The following DNAH11 variants were observed in gnomAD, a reference collection of about 807,000 sequenced individuals.
DNAH11 encodes the protein dynein axonemal heavy chain 11.
In DNAH11, 442 loss-of-function variants were observed where a neutral mutation model predicts 526.0. The observed-to-expected ratio is 0.84, with a 90% confidence interval of 0.78 to 0.91. The LOEUF is 0.91. Ranked by LOEUF, DNAH11 falls within the 40% of genes least tolerant of loss-of-function variation. The probability of loss-of-function intolerance (pLI) is 0.00; values close to 1 mark genes in which losing one functional copy is unlikely to be tolerated. For missense variants in DNAH11, 6,989 were observed against 5,448.7 expected, an observed-to-expected ratio of 1.28 and a Z score of -8.90; for synonymous variants, 2,461 against 1,935.9, an observed-to-expected ratio of 1.27 and a Z score of -7.12.
At position 21,586,791 on chromosome 7, in the gene DNAH11, T is replaced by C. The variant is rs375374939; in HGVS notation, c.1711-1273T>C. On this transcript the variant is annotated intron_variant, in intron 9 of 81. Transcript: ENST00000409508. ...TGTCTTCTTTCAGAGAAAATACCTA[T>C]ATGACAGGCTTAATAACTAACATAT... is the stretch of plus-strand genomic sequence containing the variant. Among the ~76,000 whole-genome samples, 4 of 152,196 alleles carry C rather than the reference T, an allele frequency of 2.6e-5. No individual in the cohort carries two copies. The East Asian group carries it at 7.7e-4, about 29-fold the overall frequency.
At chr7:21,608,885 G>A (rs1413657877) in intron 20 of DNAH11, among the ~76,000 whole-genome samples, 2 of 152,108 alleles carry the variant, frequency 1.3e-5, no homozygotes, top group African/African-American at 2.4e-5. Flanking sequence ...AGTAGGGCTG[G>A]GTGAACTTTT....
intron 54 of DNAH11, among the ~76,000 whole-genome samples, chr7:21,759,362 T>C (rs1434142842): frequency 6.6e-6 from 1 of 152,148 alleles, no homozygotes; most frequent in African/African-American, 2.4e-5. Context: ...AAAAGGGAAA[T>C]AAATAAGAAA....
Position 21,789,358 on chromosome 7 carries a change from G to T in DNAH11, c.10026+16G>T. On this transcript the variant is annotated intron_variant, in intron 61 of 81. Coordinates refer to ENST00000409508, the MANE Select transcript of DNAH11 (RefSeq NM_001277115.2). ...AAAGCTTGTGGTGAGTGCAAACTAT[G>T]ACATTGAAAAGGTTCCCAAGAGGTG... is the stretch of plus-strand genomic sequence containing the variant. 1 of 1,545,996 alleles carries T rather than the reference G, an allele frequency of 6.5e-7. No homozygotes were observed. The highest frequency in any genetic ancestry group is 1.2e-5 in the South Asian group (1 of 82,892).
At chr7:21,778,796 G>A (rs1425060815) in intron 56 of DNAH11, among the ~76,000 whole-genome samples, 162 bp from the exon 57 acceptor site, 1 of 152,236 alleles carries the variant, frequency 6.6e-6, no homozygotes, top group Non-Finnish European at 1.5e-5. Flanking sequence ...GAAAAACAAT[G>A]TGGCTGCATT....
At chr7:21,696,420 C>T (rs561366658) in intron 35 of DNAH11, among the ~76,000 whole-genome samples, 1 of 151,968 alleles carries the variant, frequency 6.6e-6, no homozygotes, top group African/African-American at 2.4e-5. Flanking sequence ...TTTTTCTTTC[C>T]TCATAACAGC....
At chr7:21,767,611 A>C (rs2127975097) in intron 55 of DNAH11, among the ~76,000 whole-genome samples, 1 of 152,250 alleles carries the variant, frequency 6.6e-6, no homozygotes, top group Non-Finnish European at 1.5e-5. Flanking sequence ...TCTTGAACTG[A>C]ATTGTGCCTC....
intron 66 of DNAH11, among the ~76,000 whole-genome samples, chr7:21,844,793 GTGAGGCTGCT>G (rs1392113930): frequency 2.6e-5 from 4 of 152,230 alleles, no homozygotes; most frequent in Non-Finnish European, 5.9e-5. Flanking sequence ...CATAGTCTGT[GTGAGGCTGCT>G]TTACTTGGAT....
At chr7:21,608,704 G>C (rs1785398795) in intron 20 of DNAH11, among the ~76,000 whole-genome samples, 1 of 152,182 alleles carries the variant, frequency 6.6e-6, no homozygotes, top group South Asian at 2.1e-4. Flanking sequence ...GGTCTGAACA[G>C]ATTGTGGATG....
chr7:21,663,507 A>G (rs1202653473), intron 30 of DNAH11, among the ~76,000 whole-genome samples: 1 of 151,998 alleles, frequency 6.6e-6, no homozygotes, highest in Non-Finnish European at 1.5e-5. Context: ...TGGTCTTTTT[A>G]ATAGCCATTC....
intron 35 of DNAH11, among the ~76,000 whole-genome samples, chr7:21,695,952 C>T (rs1783832348): frequency 2.6e-5 from 4 of 152,076 alleles, no homozygotes; most frequent in Admixed American, 6.5e-5. Context: ...CAAAAGAAGA[C>T]ATTCATGTGG....
rs200360937 is a variant in DNAH11, at chr7:21,721,226, G to A, written c.7266+370G>A. 6.6e-5 allele frequency among the ~76,000 whole-genome samples: 10 copies of A among 152,170 alleles called. No individual in the cohort carries two copies. The East Asian group carries it at 1.9e-3, about 29-fold the overall frequency. On this transcript the variant is annotated intron_variant, in intron 44 of 81. Coordinates refer to ENST00000409508, the MANE Select transcript of DNAH11 (RefSeq NM_001277115.2). ...CCCCTGCTCTTCCTTCTTTTCTTTT[G>A]CTCAGTGGTACATTCTTCCCGGTAG...
In DNAH11 at chr7:21,572,056, G is replaced by C. The variant is rs1396856416; in HGVS notation, c.1593+83G>C. On this transcript the variant is annotated intron_variant, in intron 8 of 81. Transcript: ENST00000409508. ...AGGAAGATAGGTCACAGTGATAATA[G>C]GGACCATCCATTCCAATATCTCTAG... 6 of 1,211,296 alleles carry C rather than the reference G, an allele frequency of 5.0e-6. No individual in the cohort carries two copies. The African/African-American group carries it at 6.3e-5, about 13-fold the overall frequency. The allele number at this position is 1,211,296 out of a possible 1,614,324, so 75.0% of individuals were successfully genotyped here.
rs570796210 is a variant in DNAH11 at position 21,845,922 on chromosome 7, T to G, written c.10896+3174T>G. On this transcript the variant is annotated intron_variant, in intron 66 of 81. Coordinates refer to ENST00000409508, the MANE Select transcript of DNAH11 (RefSeq NM_001277115.2). ...TCTTTGATTTCTTTCATCAGAGATT[T>G]TTAGTCCTCCAGACAGATCTTCAAC... Among the ~76,000 whole-genome samples, 80 of 152,350 alleles carry G rather than the reference T, an allele frequency of 5.3e-4. 1 individual carries two copies. Among genetic ancestry groups the G allele is most frequent in the African/African-American group, 1.9e-3 (79 of 41,590 alleles).
chr7:21,632,674 C>G (rs376139688), intron 25 of DNAH11, among the ~76,000 whole-genome samples: 2 of 152,288 alleles, frequency 1.3e-5, no homozygotes, highest in African/African-American at 4.8e-5. Flanking sequence ...CTGAGACCAC[C>G]TCAGCCTGGA....
At chr7:21,677,731 A>G (rs930763612) in intron 30 of DNAH11, among the ~76,000 whole-genome samples, 1 of 152,218 alleles carries the variant, frequency 6.6e-6, no homozygotes, top group African/African-American at 2.4e-5. Context: ...GTTAAGGTAC[A>G]TCATTGCCAA....
intron 42 of DNAH11, among the ~76,000 whole-genome samples, chr7:21,715,743 T>C (rs1321406763): frequency 6.6e-6 from 1 of 151,994 alleles, no homozygotes; most frequent in Non-Finnish European, 1.5e-5. Flanking sequence ...CTATGTAAGT[T>C]TAGCAATAAT....
chr7:21,590,159 ATGTATG>A (rs1242903313), intron 12 of DNAH11, among the ~76,000 whole-genome samples: 12 of 152,214 alleles, frequency 7.9e-5, no homozygotes, highest in East Asian at 3.9e-4. Context: ...GTTACCATTT[ATGTATG>A]TGTATGTGTA....
chr7:21,891,140 G>A (rs1490508871), intron 76 of DNAH11, among the ~76,000 whole-genome samples: 10 of 152,090 alleles, frequency 6.6e-5, no homozygotes, highest in Admixed American at 5.9e-4. Flanking sequence ...AGGTCATATG[G>A]AGCTTATACT....
Position 21,808,063 on chromosome 7 carries a change from CT to C in DNAH11, c.10332+16del. Reference sequence around the variant, plus strand: ...CTTCAACAGAAGGTAAGTTCAGTTCCTTACCTTGTCAGCAGGTAGAAAGATC... The same window carrying C: ...CTTCAACAGAAGGTAAGTTCAGTTCCTACCTTGTCAGCAGGTAGAAAGATC... On this transcript the variant is annotated intron_variant, in intron 63 of 81. Coordinates refer to ENST00000409508, the MANE Select transcript of DNAH11 (RefSeq NM_001277115.2). 6.9e-7 allele frequency: 1 copy of C among 1,442,204 alleles called. No individual in the cohort carries two copies. Among genetic ancestry groups the C allele is most frequent in the Non-Finnish European group, 9.3e-7 (1 of 1,080,320 alleles). The allele number at this position is 1,442,204 out of a possible 1,614,324, so 89.3% of individuals were successfully genotyped here. A position where few individuals can be genotyped will look rare whatever the true frequency, so the allele number is the denominator to read the frequency against.
Sources: gnomAD v4.1 joint callset for allele counts (sites outside exome capture counted in the v4.1 genomes callset) on GRCh38, gnomAD v4.1.1 for gene constraint, MANE v1.5 for transcripts, NCBI Gene and HGNC (gene_info 2026-07-23, HGNC 2026-07-21) for gene names.